Variants in UNC5C observed in about 807,000 individuals in gnomAD.
UNC5C encodes the protein unc-5 netrin receptor C, also known as netrin receptor UNC5C.
In UNC5C, 47 loss-of-function variants were observed where a neutral mutation model predicts 99.8. The ratio of observed to expected loss-of-function variants is 0.47; its 90% confidence interval spans 0.37 to 0.60. UNC5C has a LOEUF of 0.60. Ranked by LOEUF, UNC5C falls within the 20% of genes least tolerant of loss-of-function variation. The probability of loss-of-function intolerance (pLI) is 0.00; values close to 1 mark genes in which losing one functional copy is unlikely to be tolerated. For synonymous variants in UNC5C, 487 were observed against 452.2 expected (o/e 1.08, Z -0.98); for missense variants, 1,062 against 1,165.9 (o/e 0.91, Z 1.30).
At chr4:95,547,096 C>A (rs1723089535) in intron 1 of UNC5C, among the ~76,000 whole-genome samples, 1 of 151,808 alleles carries the variant, frequency 6.6e-6, no homozygotes, top group South Asian at 2.1e-4. Flanking sequence ...GCCCTGAGAA[C>A]TTCTTATCAA....
intron 12 of UNC5C, among the ~76,000 whole-genome samples, chr4:95,195,121 G>T (rs753767305): frequency 1.3e-5 from 2 of 152,116 alleles, no homozygotes; most frequent in African/African-American, 4.8e-5. Context: ...GCCCACATAC[G>T]CATGGCAAAC....
intron 7 of UNC5C, among the ~76,000 whole-genome samples, chr4:95,240,673 A>C (rs1739299541): frequency 6.6e-6 from 1 of 152,194 alleles, no homozygotes; most frequent in Non-Finnish European, 1.5e-5. Flanking sequence ...CTCCTCCTAT[A>C]GCCTCATTCC....
chr4:95,205,847 T>C (rs1032581634), intron 11 of UNC5C, among the ~76,000 whole-genome samples: 1 of 152,164 alleles, frequency 6.6e-6, no homozygotes, highest in African/African-American at 2.4e-5. Flanking sequence ...ATTTTCTTCC[T>C]TCTAGTGGAG....
chr4:95,316,253 G>A (rs1278708804), intron 2 of UNC5C, among the ~76,000 whole-genome samples: 2 of 152,132 alleles, frequency 1.3e-5, no homozygotes, highest in Admixed American at 1.3e-4. Context: ...GTACATGATA[G>A]ATCAAAATAA....
intron 1 of UNC5C, among the ~76,000 whole-genome samples, chr4:95,359,792 T>C (rs537584412): frequency 2.0e-5 from 3 of 152,148 alleles, no homozygotes; most frequent in Non-Finnish European, 2.9e-5. Flanking sequence ...AACAGTATTA[T>C]GGTTAGTAAC....
At chr4:95,227,137 ATGTT>A (rs1246206455) in intron 7 of UNC5C, among the ~76,000 whole-genome samples, 3 of 122,272 alleles carry the variant, frequency 2.5e-5, no homozygotes, top group Admixed American at 8.6e-5. Flanking sequence ...CTTTAAAACA[ATGTT>A]TTTTTTTTTT....
intron 2 of UNC5C, among the ~76,000 whole-genome samples, chr4:95,307,141 A>G (rs1436111790): frequency 6.6e-6 from 1 of 152,124 alleles, no homozygotes; most frequent in African/African-American, 2.4e-5. Context: ...GCAGAATTTC[A>G]GAATCAAGAC....
chr4:95,379,808 G>T (rs1359897629), intron 1 of UNC5C, among the ~76,000 whole-genome samples: 3 of 152,138 alleles, frequency 2.0e-5, no homozygotes, highest in African/African-American at 7.2e-5. Flanking sequence ...TAAGGAGTCC[G>T]AGAGGGCAGA....
Position 95,219,379 on chromosome 4 carries a change from C to A in UNC5C, c.1301-66G>T. On this transcript the variant is annotated intron_variant, in intron 8 of 15. Transcript: ENST00000453304. ...TTCAGGCCAACCTACATTAGTCAGA[C>A]TCCCCCTCACACTTTCTGAGCCGAA... 2.7e-6 allele frequency: 4 copies of A among 1,471,746 alleles called. No homozygotes were observed. In the South Asian group the frequency reaches 5.2e-5, roughly 19 times the overall value. The allele number at this position is 1,471,746 out of a possible 1,614,324, so 91.2% of individuals were successfully genotyped here. A position where few individuals can be genotyped will look rare whatever the true frequency, so the allele number is the denominator to read the frequency against.
At chr4:95,483,138 T>C (rs1381128803) in intron 1 of UNC5C, among the ~76,000 whole-genome samples, 1 of 151,282 alleles carries the variant, frequency 6.6e-6, no homozygotes, top group Non-Finnish European at 1.5e-5. Flanking sequence ...GTTTTGGCTC[T>C]GGTATATTAG....
intron 1 of UNC5C, among the ~76,000 whole-genome samples, chr4:95,448,219 T>A (rs1283043121): frequency 2.2e-3 from 216 of 98,670 alleles, no homozygotes; most frequent in Admixed American, 3.6e-3. Context: ...TGTGTGTGTG[T>A]GTGTGTGTGA....
At chr4:95,387,368 G>C (rs1745242146) in intron 1 of UNC5C, among the ~76,000 whole-genome samples, 1 of 152,150 alleles carries the variant, frequency 6.6e-6, no homozygotes, top group African/African-American at 2.4e-5. Context: ...TCGATGACCT[G>C]AGCTCAAGCT....
intron 12 of UNC5C, among the ~76,000 whole-genome samples, chr4:95,196,097 T>C (rs892915218): frequency 1.3e-5 from 2 of 152,224 alleles, no homozygotes; most frequent in African/African-American, 2.4e-5. Context: ...ACCCTTTGGA[T>C]ACTGGGACAG....
At chr4:95,441,109 G>C (rs1479802605) in intron 1 of UNC5C, among the ~76,000 whole-genome samples, 1 of 152,122 alleles carries the variant, frequency 6.6e-6, no homozygotes, top group Non-Finnish European at 1.5e-5. Context: ...ATTTGGTTTT[G>C]ACCACATAAA....
chr4:95,240,826 A>G (rs1579259180), intron 7 of UNC5C, among the ~76,000 whole-genome samples: 1 of 152,272 alleles, frequency 6.6e-6, no homozygotes. Flanking sequence ...TGAATATATC[A>G]TGTTTGTATT....
intron 7 of UNC5C, among the ~76,000 whole-genome samples, chr4:95,225,606 G>T (rs561877078): frequency 1.3e-5 from 2 of 151,524 alleles, no homozygotes; most frequent in Admixed American, 1.3e-4. Flanking sequence ...ATTAAATATC[G>T]CCTCACTCTA....
intron 1 of UNC5C, among the ~76,000 whole-genome samples, chr4:95,418,382 T>G (rs550595217): frequency 6.6e-6 from 1 of 152,344 alleles, no homozygotes; most frequent in African/African-American, 2.4e-5. Flanking sequence ...TTGACAATTT[T>G]TGTAAACCAG....
At chr4:95,186,257 T>TATA (rs1268617680) in intron 12 of UNC5C, among the ~76,000 whole-genome samples, 1 of 152,080 alleles carries the variant, frequency 6.6e-6, no homozygotes, top group African/African-American at 2.4e-5. Context: ...AAAAGCAAAA[T>TATA]ATAATTTTTT....
intron 4 of UNC5C, among the ~76,000 whole-genome samples, chr4:95,257,694 G>T (rs1424375397): frequency 1.3e-5 from 2 of 152,198 alleles, no homozygotes; most frequent in Non-Finnish European, 2.9e-5. Context: ...CAACAGGTAA[G>T]TTGCTAAAAA....
Sources: allele counts gnomAD v4.1 joint callset (sites outside exome capture counted in the v4.1 genomes callset), GRCh38; gene constraint gnomAD v4.1.1; transcripts MANE v1.5; gene names NCBI Gene and HGNC (gene_info 2026-07-23, HGNC 2026-07-21).